The following ARID4A variants were observed in gnomAD, a reference collection of about 807,000 sequenced individuals.
The protein encoded by ARID4A is AT-rich interactive domain-containing protein 4A.
A neutral mutation model predicts 148.6 loss-of-function variants in ARID4A; 39 were observed. The ratio of observed to expected loss-of-function variants is 0.26; its 90% CI spans 0.20 to 0.34. The LOEUF is 0.34. Among genes scored for constraint, ARID4A ranks in the 10% least tolerant of loss-of-function variants. ARID4A has a pLI of 1.00. For missense variants in ARID4A, 1,265 were observed against 1,449.1 expected (o/e 0.87, Z 2.06); for synonymous variants, 475 against 481.2 (o/e 0.99, Z 0.17).
At position 58,347,634 on chromosome 14, in the gene ARID4A, ATTGT is replaced by A. The variant is rs768930648; in HGVS notation, c.1173-6_1173-3del. 1.3e-6 allele frequency: 2 copies of A among 1,512,092 alleles called. No homozygotes were observed. Among genetic ancestry groups the A allele is most frequent in the South Asian group, 1.3e-5 (1 of 77,836 alleles). 93.7% of individuals were successfully genotyped at this position (1,512,092 alleles called of 1,614,324 possible). On this transcript the variant is annotated splice_polypyrimidine_tract_variant and intron_variant, in intron 14 of 23. Transcript: ENST00000355431. ...GACTGTAAGATTTCTTAAATGAAAT[ATTGT>A]TTGTTTAGGTATCTCTATGGTTTTG...
At chr14:58,319,740 G>A (rs1356394891) in intron 7 of ARID4A, among the ~76,000 whole-genome samples, 4 of 149,654 alleles carry the variant, frequency 2.7e-5, no homozygotes, top group East Asian at 2.0e-4. Context: ...ATGAGGTTTC[G>A]CTTTGTTGGC....
intron 23 of ARID4A, among the ~76,000 whole-genome samples, chr14:58,370,585 C>T (rs2035563289): frequency 6.6e-6 from 1 of 151,872 alleles, no homozygotes; most frequent in Non-Finnish European, 1.5e-5. Context: ...GCATGAGCCA[C>T]AGCGCCCAGC....
chr14:58,351,266 A>C lies in ARID4A; in HGVS notation c.1598A>C (p.Lys533Thr). The C allele has an allele frequency of 1.9e-6, 3 of 1,611,082 alleles. No individual in the cohort carries two copies. In the East Asian group the frequency reaches 6.7e-5, roughly 36 times the overall value. Residue 533 changes from lysine to threonine, a missense_variant, in exon 16 of 24, where the codon AAA (lysine) becomes ACA (threonine). Around this residue, in one of 9 missense-constraint regions of ARID4A, gnomAD observed 205 missense variants for 196.9 expected, o/e 1.04. Coordinates refer to ENST00000355431, the MANE Select transcript of ARID4A (RefSeq NM_002892.4). ...CCAAAGCAAAAAGAGAAGAAAATTA[A>C]AAAACAGGAGGATTCTGACAAAGAC... Reference protein sequence around the residue: ...NTPKQKEKKIKKQEDSDKDSD... With the variant: ...NTPKQKEKKITKQEDSDKDSD...
At chr14:58,348,562 G>A (rs375855348) in intron 15 of ARID4A, among the ~76,000 whole-genome samples, 2 of 152,070 alleles carry the variant, frequency 1.3e-5, no homozygotes, top group Admixed American at 6.6e-5. Flanking sequence ...AATATATAAG[G>A]TCTATTTAGG....
Position 58,306,018 on chromosome 14 carries a change from T to C in ARID4A, c.184-4T>C. On this transcript the variant is annotated splice_region_variant and splice_polypyrimidine_tract_variant and intron_variant, in intron 4 of 23. Coordinates refer to ENST00000355431, the MANE Select transcript of ARID4A (RefSeq NM_002892.4). ...GGTAAGGAAATTGGGATTTCACATT[T>C]TAGGTTGGAGCTATTGTTGAAACAA... The C allele has an allele frequency of 6.2e-7, 1 of 1,612,302 alleles. No homozygotes were observed. The highest frequency in any genetic ancestry group is 8.5e-7 in the Non-Finnish European group (1 of 1,178,718).
chr14:58,370,570 T>TA (rs1337308892), intron 23 of ARID4A, among the ~76,000 whole-genome samples: 2 of 152,186 alleles, frequency 1.3e-5, no homozygotes, highest in Non-Finnish European at 2.9e-5. Flanking sequence ...GTGCTGGAAT[T>TA]ACAGGCATGA....
At chr14:58,354,784 TAGA>T (rs1242336607) in intron 17 of ARID4A, among the ~76,000 whole-genome samples, 1 of 152,092 alleles carries the variant, frequency 6.6e-6, no homozygotes, top group African/African-American at 2.4e-5. Flanking sequence ...AAATCTTATC[TAGA>T]AGGAGAGACA....
chr14:58,319,951 T>C (rs1389928262), intron 7 of ARID4A, among the ~76,000 whole-genome samples: 2 of 145,592 alleles, frequency 1.4e-5, no homozygotes, highest in African/African-American at 5.0e-5. Context: ...TTCTTTTCTT[T>C]TTTTTTTTTT....
At chr14:58,316,226 G>A (rs1226572417) in intron 5 of ARID4A, among the ~76,000 whole-genome samples, 1 of 152,152 alleles carries the variant, frequency 6.6e-6, no homozygotes, top group Non-Finnish European at 1.5e-5. Context: ...GACTTATTCT[G>A]TTAGAATGGA....
chr14:58,352,857 T>C (rs1203570411), intron 16 of ARID4A, among the ~76,000 whole-genome samples: 4 of 152,164 alleles, frequency 2.6e-5, no homozygotes, highest in Non-Finnish European at 4.4e-5. Context: ...ATTAAAAGTA[T>C]TTTTAGCTCT....
intron 11 of ARID4A, among the ~76,000 whole-genome samples, chr14:58,334,000 C>G (rs539851338): frequency 3.0e-4 from 46 of 152,168 alleles, no homozygotes; most frequent in African/African-American, 1.0e-3. Context: ...AACTGACTTG[C>G]TAAAATCTTA....
rs998255100 is a variant in ARID4A at position 58,372,350 on chromosome 14, A to G, written c.*361A>G. On this transcript the variant is annotated 3_prime_UTR_variant, in exon 24 of 24. Coordinates refer to ENST00000355431, the MANE Select transcript of ARID4A (RefSeq NM_002892.4). ...GCAAGTGCACATGATAAACATCAAAATATTACCCAGCTGAATAGTTACTGC... is the reference window on the plus strand; with the variant it reads ...GCAAGTGCACATGATAAACATCAAAGTATTACCCAGCTGAATAGTTACTGC... The G allele has an allele frequency of 1.9e-5, 5 of 260,054 alleles. No homozygotes were observed. The highest frequency in any genetic ancestry group is 5.8e-5 in the East Asian group (1 of 17,106). The allele number at this position is 260,054 out of a possible 1,614,324, so 16.1% of individuals were successfully genotyped here.
intron 12 of ARID4A, among the ~76,000 whole-genome samples, chr14:58,346,182 AAG>A (rs1216625583): frequency 1.3e-5 from 2 of 149,754 alleles, no homozygotes; most frequent in Non-Finnish European, 3.0e-5. Flanking sequence ...CTATATAAAT[AAG>A]AGAGAATTAT....
chr14:58,361,004 A>G lies in ARID4A; in HGVS notation c.2042A>G (p.Tyr681Cys), dbSNP rs763120468. ...LKSTLSSNMP[Y>C]GLSKTANSEG... is the part of the protein sequence containing the mutation. Reference sequence around the variant, plus strand: ...TCAACCCTCTCATCAAACATGCCGTATGGCTTATCTAAGACAGCAAACAGT... The same window carrying G: ...TCAACCCTCTCATCAAACATGCCGTGTGGCTTATCTAAGACAGCAAACAGT... The change falls in exon 19 of 24, where the codon TAT (tyrosine) becomes TGT (cysteine). Residue 681 changes from tyrosine to cysteine, a missense_variant. Transcript: ENST00000355431. 2.5e-6 allele frequency: 4 copies of G among 1,614,152 alleles called. No homozygotes were observed. The South Asian group carries it at 4.4e-5, about 18-fold the overall frequency.
intron 15 of ARID4A, among the ~76,000 whole-genome samples, chr14:58,350,522 T>G (rs1269436683): frequency 6.6e-6 from 1 of 152,178 alleles, no homozygotes; most frequent in East Asian, 1.9e-4. Context: ...CAGATACTCA[T>G]TCAAAGAAGT....
intron 5 of ARID4A, 62 bp from the exon 6 acceptor site, chr14:58,318,480 T>C (rs887048327): frequency 2.1e-6 from 3 of 1,462,774 alleles, no homozygotes; most frequent in Non-Finnish European, 2.9e-6. Context: ...TAGCATTCTG[T>C]GCTTTTAAGT....
chr14:58,365,167 G>T lies in ARID4A; in HGVS notation c.3078G>T (p.Thr1026=), dbSNP rs750212193. The part of the protein sequence containing the change: ...SRSVKSESDI[T]IEVDSIAEES... Reference sequence around the variant, plus strand: ...GCGTAAAAAGTGAGAGTGATATAACGATTGAAGTTGATAGTATTGCTGAAG... The same window carrying T: ...GCGTAAAAAGTGAGAGTGATATAACTATTGAAGTTGATAGTATTGCTGAAG... Residue 1026 remains threonine (T), a synonymous_variant, in exon 20 of 24, where the codon ACG becomes ACT. Coordinates refer to ENST00000355431, the MANE Select transcript of ARID4A (RefSeq NM_002892.4). 3 of 1,614,056 alleles carry T rather than the reference G, an allele frequency of 1.9e-6. No individual in the cohort carries two copies. In the South Asian group the frequency reaches 3.3e-5, roughly 18 times the overall value.
intron 7 of ARID4A, 118 bp from the exon 8 acceptor site, chr14:58,323,367 A>T: frequency 8.8e-7 from 1 of 1,140,828 alleles, no homozygotes; most frequent in Admixed American, 2.5e-5. Context: ...AAGAATGGAG[A>T]GGCTACTACT....
chr14:58,317,338 G>A (rs1430268201), intron 5 of ARID4A, among the ~76,000 whole-genome samples: 1 of 143,742 alleles, frequency 7.0e-6, no homozygotes, highest in Non-Finnish European at 1.5e-5. Context: ...AGGCTGGAGT[G>A]CAGTGGTGCA....
Sources: gnomAD v4.1 joint callset for allele counts (sites outside exome capture counted in the v4.1 genomes callset) on GRCh38, gnomAD v4.1.1 for gene constraint, gnomAD v4.1.1 regional missense constraint, MANE v1.5 for transcripts, NCBI Gene and HGNC (gene_info 2026-07-23, HGNC 2026-07-21) for gene names.